SPEG: variants seen among roughly 807,000 people sequenced by gnomAD.
SPEG encodes striated muscle enriched protein kinase, also known as striated muscle preferentially expressed protein kinase.
SPEG carries 114 observed loss-of-function variants against 300.4 expected under a neutral mutation model. The ratio of observed to expected loss-of-function variants is 0.38; its 90% CI spans 0.33 to 0.44. The LOEUF (loss-of-function observed/expected upper bound fraction) is 0.44. Among genes scored for constraint, SPEG ranks in the 20% least tolerant of loss-of-function variants. The probability of loss-of-function intolerance (pLI) is 1.00; values close to 1 mark genes in which losing one functional copy is unlikely to be tolerated. For missense variants in SPEG, 4,201 were observed against 4,586.2 expected (o/e 0.92, Z 2.43); for synonymous variants, 1,964 against 2,018.9 (o/e 0.97, Z 0.73).
chr2:219,454,704 C>G (rs779881631), intron 6 of SPEG, among the ~76,000 whole-genome samples: 1 of 152,182 alleles, frequency 6.6e-6, no homozygotes, highest in Admixed American at 6.5e-5. Context: ...TTAGCACTTG[C>G]CATCTGCCTA....
At position 219,477,593 on chromosome 2, in the gene SPEG, C is replaced by T. The variant is rs749026708; in HGVS notation, c.4730-96C>T. On this transcript the variant is annotated intron_variant, in intron 20 of 40. Coordinates refer to ENST00000312358, the MANE Select transcript of SPEG (RefSeq NM_005876.5). The surrounding 1 kb of genome is among the most constrained non-coding windows in gnomAD (Gnocchi z 6.4). ...CCGCCTTGAGCCCCCAACATTCTTG[C>T]ACCTCTTCTCTCTTCTTCTTCTGTC... 18 of 1,378,588 alleles carry T rather than the reference C, an allele frequency of 1.3e-5. No homozygotes were observed. The highest frequency in any genetic ancestry group is 1.8e-5 in the Non-Finnish European group (18 of 1,010,832). 85.4% of individuals were successfully genotyped at this position (1,378,588 alleles called of 1,614,324 possible). A position where few individuals can be genotyped will look rare whatever the true frequency, so the allele number is the denominator to read the frequency against.
rs139099762 is a variant in SPEG, at chr2:219,445,201, C to T, written c.815+40C>T. 6 of 1,523,842 alleles carry T rather than the reference C, an allele frequency of 3.9e-6. No individual in the cohort carries two copies. In the African/African-American group the frequency reaches 4.1e-5, roughly 11 times the overall value. The allele number at this position is 1,523,842 out of a possible 1,614,324, so 94.4% of individuals were successfully genotyped here. On this transcript the variant is annotated intron_variant, in intron 3 of 40. Transcript: ENST00000312358. The surrounding 1 kb of genome is among the most constrained non-coding windows in gnomAD (Gnocchi z 6.1). ...TACCTGGGCCTGAACTGCCCCATCT[C>T]ACCACGCTGTCCTGCGCTGCCCTCA... is the stretch of plus-strand genomic sequence containing the variant.
Position 219,485,481 on chromosome 2 carries a change from A to G in SPEG, c.7741+4A>G, listed in dbSNP as rs534271409. 6.4e-7 allele frequency: 1 copy of G among 1,562,500 alleles called. No homozygotes were observed. The highest frequency in any genetic ancestry group is 8.7e-7 in the Non-Finnish European group (1 of 1,152,730). On this transcript the variant is annotated splice_donor_region_variant and intron_variant, in intron 31 of 40. Transcript: ENST00000312358. ...CAGTACGTGCGCAGTGAGTCAGGTAATAAGAGGCCTGCTGGGTGAGGACCC... is the reference window on the plus strand; with the variant it reads ...CAGTACGTGCGCAGTGAGTCAGGTAGTAAGAGGCCTGCTGGGTGAGGACCC...
intron 6 of SPEG, among the ~76,000 whole-genome samples, chr2:219,455,075 T>TA (rs1690068558): frequency 2.0e-5 from 3 of 152,108 alleles, no homozygotes; most frequent in Admixed American, 1.3e-4. Context: ...GCCTGGGTGA[T>TA]AAAGTGAGAC....
At chr2:219,466,950 C>T (rs1691421157) in intron 9 of SPEG, 2 of 1,072,960 alleles carry the variant, frequency 1.9e-6, no homozygotes, top group South Asian at 6.1e-5. Flanking sequence ...TCCCTCTTGC[C>T]TCCATGAATC....
chr2:219,473,447 G>T lies in SPEG; in HGVS notation c.4148-57G>T. On this transcript the variant is annotated intron_variant, in intron 16 of 40. Transcript: ENST00000312358. This position sits in a 1 kb window ranked among gnomAD's most constrained non-coding sequence, Gnocchi z 4.6. ...TGATGAGGGGTGTTAGAGGAGTGGT[G>T]GGTGCTGAGGACCTGATGTCAAGCC... 6.5e-7 allele frequency: 1 copy of T among 1,530,624 alleles called. No homozygotes were observed. The highest frequency in any genetic ancestry group is 9.0e-7 in the Non-Finnish European group (1 of 1,108,816). 94.8% of individuals were successfully genotyped at this position (1,530,624 alleles called of 1,614,324 possible). A position where few individuals can be genotyped will look rare whatever the true frequency, so the allele number is the denominator to read the frequency against.
At position 219,465,862 on chromosome 2, in the gene SPEG, T is replaced by TGTGTGCGTGTGTGCGTGC. The variant is rs1196602628; in HGVS notation, c.2881+1261_2881+1278dup. On this transcript the variant is annotated intron_variant, in intron 9 of 40. Transcript: ENST00000312358. ...GTATGTGCATGCATGTGTGTGCATG[T>TGTGTGCGTGTGTGCGTGC]GTGTGCGTGTGTGCGTGCGTGTGCA... The TGTGTGCGTGTGTGCGTGC allele has an allele frequency of 2.9e-5, 18 of 614,380 alleles. 1 individual carries two copies. In the South Asian group the frequency reaches 3.4e-4, roughly 11 times the overall value. The allele number at this position is 614,380 out of a possible 1,614,324, so 38.1% of individuals were successfully genotyped here. A position where few individuals can be genotyped will look rare whatever the true frequency, so the allele number is the denominator to read the frequency against.
rs1439926874 is a variant in SPEG, at chr2:219,479,673, G to A, written c.5086-110G>A. The A allele has an allele frequency of 2.3e-5, 22 of 952,496 alleles. No individual in the cohort carries two copies. The East Asian group carries it at 3.4e-4, about 15-fold the overall frequency. The allele number at this position is 952,496 out of a possible 1,614,324, so 59.0% of individuals were successfully genotyped here. A position where few individuals can be genotyped will look rare whatever the true frequency, so the allele number is the denominator to read the frequency against. On this transcript the variant is annotated intron_variant, in intron 23 of 40. Transcript: ENST00000312358. The surrounding 1 kb of genome is among the most constrained non-coding windows in gnomAD (Gnocchi z 5.5). ...CCAAACCTGTTTCAGCCCCTTCCAC[G>A]AGCCATCTGAAGGCTACTCCACAGG...
At position 219,445,189 on chromosome 2, in the gene SPEG, A is replaced by ACTGC. The variant is rs1397060732; in HGVS notation, c.815+30_815+33dup. The ACTGC allele has an allele frequency of 6.5e-7, 1 of 1,545,542 alleles. No homozygotes were observed. Among genetic ancestry groups the ACTGC allele is most frequent in the Admixed American group, 2.0e-5 (1 of 51,226 alleles). On this transcript the variant is annotated intron_variant, in intron 3 of 40. Coordinates refer to ENST00000312358, the MANE Select transcript of SPEG (RefSeq NM_005876.5). This position sits in a 1 kb window ranked among gnomAD's most constrained non-coding sequence, Gnocchi z 6.1. ...AAGTAACGGCCTTACCTGGGCCTGA[A>ACTGC]CTGCCCCATCTCACCACGCTGTCCT...
chr2:219,461,821 C>A, intron 6 of SPEG, 61 bp from the exon 7 acceptor site: 1 of 1,541,278 alleles, frequency 6.5e-7, no homozygotes, highest in Non-Finnish European at 8.9e-7. Flanking sequence ...GACATTCCAG[C>A]CAGCTCTCCC....
In SPEG at chr2:219,481,402, G is replaced by C. The variant is rs200591033; in HGVS notation, c.5468G>C (p.Ser1823Thr). ...GCCTTCGAGGAGACCACATTCCTGAGCCTGAGCAGGGAGGCCCGGGGCTTC... is the reference window on the plus strand; with the variant it reads ...GCCTTCGAGGAGACCACATTCCTGACCCTGAGCAGGGAGGCCCGGGGCTTC... ...NVAFEETTFL[S>T]LSREARGFLI... is the part of the protein sequence containing the mutation. The change falls in exon 27 of 41, where the codon AGC (serine) becomes ACC (threonine). Residue 1823 changes from serine (S) to threonine (T), a missense_variant. Around this residue, in one of 4 missense-constraint regions of SPEG, gnomAD observed 1,047 missense variants for 1,356.8 expected, o/e 0.77. Coordinates refer to ENST00000312358, the MANE Select transcript of SPEG (RefSeq NM_005876.5). This position sits in a 1 kb window ranked among gnomAD's most constrained non-coding sequence, Gnocchi z 5.4. 28 of 1,614,046 alleles carry C rather than the reference G, an allele frequency of 1.7e-5. No individual in the cohort carries two copies. The highest frequency in any genetic ancestry group is 2.0e-5 in the Non-Finnish European group (24 of 1,180,034).
In SPEG at chr2:219,468,914, C is replaced by G; in HGVS notation, c.3357C>G (p.His1119Gln). 2 of 1,613,884 alleles carry G rather than the reference C, an allele frequency of 1.2e-6. No individual in the cohort carries two copies. The highest frequency in any genetic ancestry group is 1.7e-6 in the Non-Finnish European group (2 of 1,179,984). ...GGCTGCGGCAGGACGGGGGTCTGCA[C>G]TCACTGCACATTGCCCATGTGGGCA... ...NLRLRQDGGL[H>Q]SLHIAHVGSE... The change falls in exon 12 of 41, where the codon CAC (histidine) becomes CAG (glutamine). Residue 1119 changes from histidine to glutamine, a missense_variant. Transcript: ENST00000312358.
In SPEG at chr2:219,444,146, C is replaced by A; in HGVS notation, c.389-507C>A. 9.8e-7 allele frequency: 1 copy of A among 1,024,908 alleles called. No individual in the cohort carries two copies. The highest frequency in any genetic ancestry group is 1.4e-6 in the Non-Finnish European group (1 of 731,212). 63.5% of individuals were successfully genotyped at this position (1,024,908 alleles called of 1,614,324 possible). A position where few individuals can be genotyped will look rare whatever the true frequency, so the allele number is the denominator to read the frequency against. On this transcript the variant is annotated intron_variant, in intron 1 of 40. Coordinates refer to ENST00000312358, the MANE Select transcript of SPEG (RefSeq NM_005876.5). The surrounding 1 kb of genome is among the most constrained non-coding windows in gnomAD (Gnocchi z 7.8). ...TCTCCTCACCCTGCCTCAGCTGCACCCGATGCCTTGCAGCTGGTTTGGGGT... is the reference window on the plus strand; with the variant it reads ...TCTCCTCACCCTGCCTCAGCTGCACACGATGCCTTGCAGCTGGTTTGGGGT...
chr2:219,485,826 T>A (rs1296360315), intron 31 of SPEG, among the ~76,000 whole-genome samples: 2 of 152,212 alleles, frequency 1.3e-5, no homozygotes, highest in Non-Finnish European at 2.9e-5. Flanking sequence ...TGTGACCTTC[T>A]GCAGCCAGGT....
At chr2:219,470,840 G>A (rs551748040) in intron 13 of SPEG, among the ~76,000 whole-genome samples, 2 of 152,200 alleles carry the variant, frequency 1.3e-5, no homozygotes, top group African/African-American at 4.8e-5. Flanking sequence ...GGATAATTTT[G>A]TAGAGTTGTT....
intron 14 of SPEG, 91 bp from the exon 15 acceptor site, chr2:219,472,136 C>T: frequency 6.5e-7 from 1 of 1,534,064 alleles, no homozygotes; most frequent in Non-Finnish European, 8.9e-7. Flanking sequence ...CGGCTGAGCC[C>T]CCAGGCCCTA....
rs1229562837 is a variant in SPEG at position 219,480,462 on chromosome 2, G to A, written c.5343-209G>A. On this transcript the variant is annotated intron_variant, in intron 25 of 40. Transcript: ENST00000312358. The surrounding 1 kb of genome is among the most constrained non-coding windows in gnomAD (Gnocchi z 5.3). ...TTCCCAGGCTTCCCTGGGCTTCCTG[G>A]GCCAGCCCTGCCATGACCCTGGACT... Among the ~76,000 whole-genome samples, 1 of 152,086 alleles carries A rather than the reference G, an allele frequency of 6.6e-6. No homozygotes were observed. Among genetic ancestry groups the A allele is most frequent in the Admixed American group, 6.5e-5 (1 of 15,290 alleles).
chr2:219,461,385 CCGAGGT>C, intron 6 of SPEG: 3 of 999,238 alleles, frequency 3.0e-6, no homozygotes, highest in Non-Finnish European at 3.6e-6. Context: ...TGGCCCTGGA[CCGAGGT>C]CGGGATGTGA....
chr2:219,449,392 T>C, intron 4 of SPEG, 121 bp downstream of exon 4: 2 of 761,990 alleles, frequency 2.6e-6, no homozygotes. Flanking sequence ...GCTAGCCAGC[T>C]GCAAGGGTGG....
Sources: gnomAD v4.1 joint callset for allele counts (sites outside exome capture counted in the v4.1 genomes callset) on GRCh38, gnomAD v4.1.1 for gene constraint, gnomAD v4.1.1 regional missense constraint, Gnocchi (gnomAD v3.1) non-coding constraint, MANE v1.5 for transcripts, NCBI Gene and HGNC (gene_info 2026-07-23, HGNC 2026-07-21) for gene names.